Variants in TRAM2 observed in about 807,000 individuals in gnomAD.
TRAM2 encodes the protein translocation associated membrane protein 2, also known as translocating chain-associated membrane protein 2.
In TRAM2, 12 loss-of-function variants were observed where a neutral mutation model predicts 51.0. The observed-to-expected ratio is 0.24, with a 90% CI of 0.15 to 0.38. The LOEUF (loss-of-function observed/expected upper bound fraction) is 0.38, where lower values mean the gene tolerates loss of function less well. Ranked by LOEUF, TRAM2 falls within the 10% of genes least tolerant of loss-of-function variation. The probability of loss-of-function intolerance (pLI) is 1.00; values close to 1 mark genes in which losing one functional copy is unlikely to be tolerated. For missense variants in TRAM2, 361 were observed against 462.0 expected, an observed-to-expected ratio of 0.78 and a Z score of 2.00; for synonymous variants, 175 against 179.4, an observed-to-expected ratio of 0.98 and a Z score of 0.20.
intron 1 of TRAM2, among the ~76,000 whole-genome samples, chr6:52,574,934 C>G (rs77935980): frequency 6.6e-6 from 1 of 152,104 alleles, no homozygotes; most frequent in African/African-American, 2.4e-5. Flanking sequence ...GAAACTTCGT[C>G]GCTGCAGCCT....
chr6:52,558,872 C>T (rs993817525), intron 1 of TRAM2, among the ~76,000 whole-genome samples: 4 of 152,176 alleles, frequency 2.6e-5, no homozygotes, highest in Admixed American at 6.5e-5. Flanking sequence ...CAAACCCAAC[C>T]ACGAAATCAC....
chr6:52,573,239 A>G (rs1444995702), intron 1 of TRAM2, among the ~76,000 whole-genome samples: 1 of 152,122 alleles, frequency 6.6e-6, no homozygotes, highest in Non-Finnish European at 1.5e-5. Flanking sequence ...AGAACAGGAC[A>G]CTGGAAGGAG....
chr6:52,533,385 C>A (rs77878193), intron 2 of TRAM2, among the ~76,000 whole-genome samples: 12,311 of 152,186 alleles, frequency 0.081, 724 homozygotes, highest in Non-Finnish European at 0.12. Flanking sequence ...GAACACATAG[C>A]CCTGAGCCAC....
At chr6:52,575,725 T>G (rs1169858512) in intron 1 of TRAM2, among the ~76,000 whole-genome samples, 1 of 151,948 alleles carries the variant, frequency 6.6e-6, no homozygotes, top group Admixed American at 6.6e-5. Flanking sequence ...AACCCAACCG[T>G]GAGAATGCAA....
At chr6:52,535,956 T>G (rs2114086481) in intron 1 of TRAM2, 110 bp from the exon 2 acceptor site, 1 of 833,356 alleles carries the variant, frequency 1.2e-6, no homozygotes, top group Non-Finnish European at 1.9e-6. Flanking sequence ...ACCTCTTGAC[T>G]GAACGGTTCT....
rs902738814 is a variant in TRAM2, at chr6:52,540,254, G to C, written c.121-4408C>G. Among the ~76,000 whole-genome samples, 4 of 151,768 alleles carry C rather than the reference G, an allele frequency of 2.6e-5. No homozygotes were observed. In the South Asian group the frequency reaches 8.3e-4, roughly 32 times the overall value. Reference sequence around the variant, plus strand: ...AAGCAGAAAAGGCAACATTCAACTTGATTTTTTAAAAACCTTGTCCCAAAA... The same window carrying C: ...AAGCAGAAAAGGCAACATTCAACTTCATTTTTTAAAAACCTTGTCCCAAAA... On this transcript the variant is annotated intron_variant, in intron 1 of 10. Coordinates refer to ENST00000182527, the MANE Select transcript of TRAM2 (RefSeq NM_012288.4).
intron 1 of TRAM2, among the ~76,000 whole-genome samples, chr6:52,569,065 A>C (rs574136678): frequency 2.0e-5 from 3 of 152,330 alleles, no homozygotes; most frequent in Non-Finnish European, 2.9e-5. Context: ...GGTTTCAATC[A>C]ATACAGGCCA....
intron 2 of TRAM2, chr6:52,529,816 T>C (rs1766853709): frequency 6.6e-6 from 1 of 152,250 alleles, no homozygotes; most frequent in African/African-American, 2.4e-5. Context: ...GGCTCACCTG[T>C]TCTAGATCAG....
chr6:52,557,831 C>T (rs1562487884), intron 1 of TRAM2, among the ~76,000 whole-genome samples: 1 of 152,292 alleles, frequency 6.6e-6, no homozygotes, highest in East Asian at 1.9e-4. Context: ...AGCCAGTTCT[C>T]TGCAATCTGT....
rs375836616 is a variant in TRAM2 at position 52,544,925 on chromosome 6, C to A, written c.121-9079G>T. Among the ~76,000 whole-genome samples, 8 of 152,278 alleles carry A rather than the reference C, an allele frequency of 5.3e-5. No individual in the cohort carries two copies. In the South Asian group the frequency reaches 1.7e-3, roughly 32 times the overall value. ...TTGCCACAAACCAGTCTCCGCATAC[C>A]CCTAAGCCAAATAAACAAAGCCTGG... On this transcript the variant is annotated intron_variant, in intron 1 of 10. Coordinates refer to ENST00000182527, the MANE Select transcript of TRAM2 (RefSeq NM_012288.4).
chr6:52,554,271 T>A (rs1417776834), intron 1 of TRAM2, among the ~76,000 whole-genome samples: 1 of 151,958 alleles, frequency 6.6e-6, no homozygotes, highest in African/African-American at 2.4e-5. Flanking sequence ...CCACCTCTAA[T>A]CCCAGCACTT....
intron 2 of TRAM2, among the ~76,000 whole-genome samples, chr6:52,527,238 C>T (rs1338444698): frequency 9.2e-5 from 14 of 151,686 alleles, no homozygotes; most frequent in African/African-American, 3.1e-4. Flanking sequence ...ATTAGCCGGG[C>T]GTGGTGGCGG....
chr6:52,509,108 G>A (rs971054064), intron 5 of TRAM2, among the ~76,000 whole-genome samples: 3 of 152,248 alleles, frequency 2.0e-5, no homozygotes, highest in Non-Finnish European at 2.9e-5. Flanking sequence ...CCCAGGTATT[G>A]CCCTTGGGGT....
At chr6:52,551,712 TGAA>T (rs1767312673) in intron 1 of TRAM2, among the ~76,000 whole-genome samples, 2 of 152,034 alleles carry the variant, frequency 1.3e-5, no homozygotes, top group African/African-American at 4.8e-5. Context: ...GAATGCATAA[TGAA>T]GAAGTGGGTG....
At chr6:52,504,843 C>T (rs974930944) in intron 9 of TRAM2, 89 bp from the exon 10 acceptor site, 1 of 1,237,500 alleles carries the variant, frequency 8.1e-7, no homozygotes, top group Non-Finnish European at 1.1e-6. Context: ...GGCCAGGGGC[C>T]CTGCAGTTCC....
intron 1 of TRAM2, among the ~76,000 whole-genome samples, chr6:52,562,942 T>G: frequency 6.6e-6 from 1 of 152,198 alleles, no homozygotes. Context: ...GACCTGGACG[T>G]GGTATTTTAA....
At chr6:52,521,250 TG>T (rs1766667754) in intron 2 of TRAM2, among the ~76,000 whole-genome samples, 1 of 152,110 alleles carries the variant, frequency 6.6e-6, no homozygotes, top group Admixed American at 6.6e-5. Context: ...AGTAGTAGGT[TG>T]GTGCAAACGT....
chr6:52,520,015 ATTTAATGGGTACGGGG>A (rs1011620269), intron 2 of TRAM2, among the ~76,000 whole-genome samples: 3 of 152,222 alleles, frequency 2.0e-5, no homozygotes, highest in African/African-American at 4.8e-5. Context: ...GGAAGGTGCT[ATTTAATGGGTACGGGG>A]TTTGTTTTGC....
Position 52,503,009 on chromosome 6 carries a change from T to G in TRAM2, c.*188A>C. On this transcript the variant is annotated 3_prime_UTR_variant, in exon 11 of 11. Coordinates refer to ENST00000182527, the MANE Select transcript of TRAM2 (RefSeq NM_012288.4). Reference sequence around the variant, plus strand: ...AGATTTTTGGCTTTATTGAGAATGGTTTGTGGAAGAATAAGAGGAAGCCAA... The same window carrying G: ...AGATTTTTGGCTTTATTGAGAATGGGTTGTGGAAGAATAAGAGGAAGCCAA... 6 of 625,800 alleles carry G rather than the reference T, an allele frequency of 9.6e-6. No homozygotes were observed. The highest frequency in any genetic ancestry group is 9.5e-5 in the South Asian group (5 of 52,412). The allele number at this position is 625,800 out of a possible 1,614,324, so 38.8% of individuals were successfully genotyped here.
Sources: allele counts gnomAD v4.1 joint callset (sites outside exome capture counted in the v4.1 genomes callset), GRCh38; gene constraint gnomAD v4.1.1; transcripts MANE v1.5; gene names NCBI Gene and HGNC (gene_info 2026-07-23, HGNC 2026-07-21).